Variants in EPM2A observed in about 807,000 individuals in gnomAD.
EPM2A encodes the protein laforin.
A neutral mutation model predicts 26.5 loss-of-function variants in EPM2A; 21 were observed. That is an observed-to-expected ratio of 0.79 (90% CI 0.56 to 1.14). EPM2A has a LOEUF of 1.14. Ranked by LOEUF, EPM2A falls within the 50% of genes most tolerant of loss-of-function variation. The pLI is 0.00. For synonymous variants in EPM2A, 217 were observed against 177.6 expected (o/e 1.22, Z -1.76); for missense variants, 458 against 440.8 (o/e 1.04, Z -0.35).
chr6:145,501,625 A>T, exon 4 of EPM2A: 1 of 365,482 alleles, frequency 2.7e-6, no homozygotes, highest in Non-Finnish European at 5.5e-6. Context: ...TATTCAGAGC[A>T]TGCCTATTAT....
At chr6:145,725,245 C>G (rs9485019) in intron 1 of EPM2A, among the ~76,000 whole-genome samples, 82,149 of 151,790 alleles carry the variant, frequency 0.54, 22,743 homozygotes, top group East Asian at 0.67. Flanking sequence ...CAATGAGATA[C>G]CACTATGCAC....
intron 4 of EPM2A, among the ~76,000 whole-genome samples, chr6:145,390,254 C>G (rs1254375654): frequency 2.6e-5 from 4 of 151,958 alleles, no homozygotes; most frequent in Non-Finnish European, 4.4e-5. Context: ...TGAGGCCCAG[C>G]CACACAATGG....
chr6:145,414,006 A>G (rs1251250464), intron 4 of EPM2A, among the ~76,000 whole-genome samples: 1 of 152,034 alleles, frequency 6.6e-6, no homozygotes, highest in African/African-American at 2.4e-5. Context: ...GGGATGGTAA[A>G]GGCAGGGAAG....
chr6:145,438,895 T>C lies in EPM2A; in HGVS notation c.556-54798A>G, dbSNP rs1779024655. Among the ~76,000 whole-genome samples, 5 of 150,488 alleles carry C rather than the reference T, an allele frequency of 3.3e-5. No individual in the cohort carries two copies. The South Asian group carries it at 1.1e-3, about 32-fold the overall frequency. On this transcript the variant is annotated intron_variant, in intron 4 of 4. Coordinates refer to the EPM2A transcript ENST00000638717. ...TGTACAGATTATTTTATCAAGCAGG[T>C]ACTCAGCATAGTACCCAATAGTTTT...
At chr6:145,563,195 C>T (rs78838570) in intron 2 of EPM2A, among the ~76,000 whole-genome samples, 4,540 of 151,396 alleles carry the variant, frequency 0.03, 93 homozygotes, top group East Asian at 0.086. Flanking sequence ...TTCCCCTGTA[C>T]CTGTGTGGAG....
chr6:145,507,999 C>T (rs1034338299), intron 2 of EPM2A, among the ~76,000 whole-genome samples: 1 of 152,134 alleles, frequency 6.6e-6, no homozygotes, highest in African/African-American at 2.4e-5. Context: ...GGAGATCTAA[C>T]CCCCAGTACT....
At chr6:145,713,103 TC>T (rs1775426935) in intron 1 of EPM2A, among the ~76,000 whole-genome samples, 1 of 152,200 alleles carries the variant, frequency 6.6e-6, no homozygotes, top group Admixed American at 6.6e-5. Flanking sequence ...TTTTTTAAGC[TC>T]CCACTTGTAA....
intron 3 of EPM2A, chr6:145,632,415 T>C (rs1776333440): frequency 6.6e-6 from 1 of 152,222 alleles, no homozygotes; most frequent in Non-Finnish European, 1.5e-5. Flanking sequence ...GAATACCTTC[T>C]ATGCAAAGAA....
intron 4 of EPM2A, chr6:145,489,687 A>T (rs1779729543): frequency 2.9e-6 from 4 of 1,388,732 alleles, no homozygotes; most frequent in African/African-American, 2.8e-5. Flanking sequence ...CAGCTTCAGA[A>T]TCCACTGTTG....
rs559591103 is a variant in EPM2A, at chr6:145,458,302, C to T, written c.555+44220G>A. 3.2e-4 allele frequency among the ~76,000 whole-genome samples: 48 copies of T among 152,192 alleles called. 1 individual carries two copies. Among genetic ancestry groups the T allele is most frequent in the African/African-American group, 4.8e-4 (20 of 41,516 alleles). On this transcript the variant is annotated intron_variant, in intron 4 of 4. Transcript: ENST00000638717. Reference sequence around the variant, plus strand: ...ATGGCCATTCCCTCTGTGTTGAGCTCGGTTGGGAAGGCCGAACGCTATTTT... The same window carrying T: ...ATGGCCATTCCCTCTGTGTTGAGCTTGGTTGGGAAGGCCGAACGCTATTTT...
rs1006883740 is a variant in EPM2A, at chr6:145,726,443, G to A, written c.301+8755C>T. Among the ~76,000 whole-genome samples, 3 of 152,044 alleles carry A rather than the reference G, an allele frequency of 2.0e-5. No individual in the cohort carries two copies. The East Asian group carries it at 5.8e-4, about 29-fold the overall frequency. ...ACATAACTTCTCACTTTTTAAACGT[G>A]AGCACTGCACAGTGACTTCTTCTGA... On this transcript the variant is annotated intron_variant, in intron 1 of 3. Transcript: ENST00000367519.
At position 145,625,925 on chromosome 6, in the gene EPM2A, A is replaced by G; in HGVS notation, c.*1491T>C. ...CGCATCATAGTTTAATTAGGAAAGTAAGGGCTTTGAATCAAACCCAGCTTT... is the reference window on the plus strand; with the variant it reads ...CGCATCATAGTTTAATTAGGAAAGTGAGGGCTTTGAATCAAACCCAGCTTT... On this transcript the variant is annotated 3_prime_UTR_variant, in exon 4 of 4. Transcript: ENST00000367519. 7.2e-7 allele frequency: 1 copy of G among 1,384,924 alleles called. No individual in the cohort carries two copies. The highest frequency in any genetic ancestry group is 9.5e-7 in the Non-Finnish European group (1 of 1,054,838). 85.8% of individuals were successfully genotyped at this position (1,384,924 alleles called of 1,614,324 possible). A position where few individuals can be genotyped will look rare whatever the true frequency, so the allele number is the denominator to read the frequency against.
intron 1 of EPM2A, among the ~76,000 whole-genome samples, chr6:145,727,545 T>G (rs770510766): frequency 6.6e-6 from 1 of 152,154 alleles, no homozygotes; most frequent in Non-Finnish European, 1.5e-5. Flanking sequence ...TGTGCTCTAT[T>G]CATTCAACCA....
chr6:145,407,178 G>A (rs1396644), intron 4 of EPM2A, among the ~76,000 whole-genome samples: 7,482 of 152,140 alleles, frequency 0.049, 614 homozygotes, highest in African/African-American at 0.17. Context: ...AGATGATAAG[G>A]AACATTTGAG....
chr6:145,452,031 G>A (rs1478959557), intron 4 of EPM2A, among the ~76,000 whole-genome samples: 1 of 152,116 alleles, frequency 6.6e-6, no homozygotes, highest in East Asian at 1.9e-4. Context: ...TCCTTCCCGT[G>A]TCAGTACAGC....
chr6:145,669,830 G>T (rs142022974), intron 2 of EPM2A, among the ~76,000 whole-genome samples: 1 of 152,134 alleles, frequency 6.6e-6, no homozygotes, highest in Non-Finnish European at 1.5e-5. Flanking sequence ...AAATTCATGA[G>T]TCAGTACATT....
At chr6:145,630,312 A>G (rs1005249116) in intron 3 of EPM2A, 16 of 152,210 alleles carry the variant, frequency 1.1e-4, no homozygotes, top group Non-Finnish European at 4.4e-5. Context: ...AAGAATAAAT[A>G]CTTAAGAAGG....
chr6:145,672,833 C>T (rs1053840948), intron 2 of EPM2A, among the ~76,000 whole-genome samples: 3 of 152,116 alleles, frequency 2.0e-5, no homozygotes, highest in African/African-American at 7.2e-5. Context: ...TTTGGCAAAG[C>T]CTTGTCTAGG....
chr6:145,496,560 T>C (rs1435186024), intron 4 of EPM2A, among the ~76,000 whole-genome samples: 1 of 152,176 alleles, frequency 6.6e-6, no homozygotes, highest in Non-Finnish European at 1.5e-5. Flanking sequence ...TCTGCCAGCC[T>C]GATTTCAGAA....
Sources: gnomAD v4.1 joint callset for allele counts (sites outside exome capture counted in the v4.1 genomes callset) on GRCh38, gnomAD v4.1.1 for gene constraint, MANE v1.5 for transcripts, NCBI Gene and HGNC (gene_info 2026-07-23, HGNC 2026-07-21) for gene names.